IFI16: variants seen among roughly 807,000 people sequenced by gnomAD.
IFI16 encodes the protein gamma-interferon-inducible protein 16.
A neutral mutation model predicts 68.4 loss-of-function variants in IFI16; 49 were observed. The ratio of observed to expected loss-of-function variants is 0.72; its 90% CI spans 0.57 to 0.91. IFI16 has a LOEUF of 0.91. IFI16 is among the 40% of genes least tolerant of loss of function. The probability of loss-of-function intolerance (pLI) is 0.00; values close to 1 mark genes in which losing one functional copy is unlikely to be tolerated. For missense variants in IFI16, 878 were observed against 942.9 expected, an observed-to-expected ratio of 0.93 and a Z score of 0.90; for synonymous variants, 307 against 315.0, an observed-to-expected ratio of 0.97 and a Z score of 0.27.
At position 159,018,627 on chromosome 1, in the gene IFI16, A is replaced by G. The variant is rs756278477; in HGVS notation, c.948A>G (p.Val316=). 1.2e-5 allele frequency: 20 copies of G among 1,611,098 alleles called. No homozygotes were observed. The highest frequency in any genetic ancestry group is 1.4e-5 in the Non-Finnish European group (17 of 1,178,708). ...ILHKQASGNI[V]YGVFMLHKKT... is the part of the protein sequence containing the mutation. The stretch of plus-strand genomic sequence containing the variant: ...ACAAACAAGCTTCAGGAAATATTGT[A>G]TATGGGGTATTTATGCTACATAAGG... Residue 316 remains valine (V), a synonymous_variant, in exon 5 of 12, where the codon GTA becomes GTG. Transcript: ENST00000295809.
At chr1:159,053,422 GCTCTGTTTA>G in intron 10 of IFI16, 102 bp from the exon 11 acceptor site, 1 of 689,882 alleles carries the variant, frequency 1.4e-6, no homozygotes, top group African/African-American at 1.8e-5. Flanking sequence ...AGGACCTACA[GCTCTGTTTA>G]CTCTATCAAA....
chr1:159,018,392 A>G lies in IFI16; in HGVS notation c.713A>G (p.Gln238Arg). The G allele has an allele frequency of 6.2e-7, 1 of 1,614,184 alleles. No homozygotes were observed. The highest frequency in any genetic ancestry group is 2.2e-5 in the East Asian group (1 of 44,880). Residue 238 changes from glutamine (Q) to arginine (R), a missense_variant, in exon 5 of 12, where the codon CAG (glutamine) becomes CGG (arginine). Around this residue, in one of 4 missense-constraint regions of IFI16, gnomAD observed 443 missense variants for 421.8 expected, o/e 1.05. Transcript: ENST00000295809. Reference protein sequence around the residue: ...MFHATVATQTQFFHVKVLNTS... With the variant: ...MFHATVATQTRFFHVKVLNTS... ...CATGCTACAGTGGCTACACAGACAC[A>G]GTTCTTCCATGTGAAGGTTTTAAAC... is the stretch of plus-strand genomic sequence containing the variant.
chr1:159,021,327 C>T (rs1653301018), intron 6 of IFI16, among the ~76,000 whole-genome samples: 1 of 152,166 alleles, frequency 6.6e-6, no homozygotes, highest in Non-Finnish European at 1.5e-5. Flanking sequence ...TTACCTCCCA[C>T]TTATGAGTGA....
At chr1:159,041,471 A>G (rs1654635819) in intron 7 of IFI16, among the ~76,000 whole-genome samples, 1 of 152,190 alleles carries the variant, frequency 6.6e-6, no homozygotes, top group Non-Finnish European at 1.5e-5. Context: ...AGGTTGGTGT[A>G]CTAGAGCCTG....
At chr1:159,041,926 T>C (rs1654672150) in intron 7 of IFI16, among the ~76,000 whole-genome samples, 1 of 152,228 alleles carries the variant, frequency 6.6e-6, no homozygotes, top group Admixed American at 6.5e-5. Flanking sequence ...TCCTGGAAAA[T>C]TCTGATTTCT....
intron 7 of IFI16, 37 bp downstream of exon 7, chr1:159,032,728 A>G: frequency 6.7e-7 from 1 of 1,500,166 alleles, no homozygotes; most frequent in Non-Finnish European, 9.0e-7. Context: ...ATGTCTCCCC[A>G]CCATAATTTA....
intron 2 of IFI16, 128 bp downstream of exon 2, chr1:159,015,073 A>G (rs1247639707): frequency 4.6e-6 from 4 of 878,960 alleles, no homozygotes; most frequent in Non-Finnish European, 3.6e-6. Context: ...AGCTGAGACA[A>G]TGTTGGTACT....
In IFI16 at chr1:159,032,609, A is replaced by C. The variant is rs1654069743; in HGVS notation, c.1247A>C (p.Glu416Ala). 6.2e-7 allele frequency: 1 copy of C among 1,613,178 alleles called. No homozygotes were observed. Among genetic ancestry groups the C allele is most frequent in the African/African-American group, 1.3e-5 (1 of 74,982 alleles). Residue 416 changes from glutamate (E) to alanine (A), a missense_variant, in exon 7 of 12, where the codon GAG becomes GCG. Coordinates refer to ENST00000295809, the MANE Select transcript of IFI16 (RefSeq NM_001376587.1). ...CAGCGTCAGCTTCCATATCCTTCAGAGGCCAGCACAACCTTCCCTGAGAGC... is the reference window on the plus strand; with the variant it reads ...CAGCGTCAGCTTCCATATCCTTCAGCGGCCAGCACAACCTTCCCTGAGAGC... Reference protein sequence around the residue: ...QEQRQLPYPSEASTTFPESHL... With the variant: ...QEQRQLPYPSAASTTFPESHL...
In IFI16 at chr1:159,032,780, C is replaced by T. The variant is rs1654085221; in HGVS notation, c.1329+89C>T. 8.0e-6 allele frequency: 8 copies of T among 996,250 alleles called. No homozygotes were observed. The South Asian group carries it at 1.6e-4, about 20-fold the overall frequency. 61.7% of individuals were successfully genotyped at this position (996,250 alleles called of 1,614,324 possible). A position where few individuals can be genotyped will look rare whatever the true frequency, so the allele number is the denominator to read the frequency against. ...GTTGAAAGAGCTACTGCTGTAATCT[C>T]TGTGAATGGATTGGTACAATCTTGG... is the stretch of plus-strand genomic sequence containing the variant. On this transcript the variant is annotated intron_variant, in intron 7 of 11. Coordinates refer to ENST00000295809, the MANE Select transcript of IFI16 (RefSeq NM_001376587.1).
intron 6 of IFI16, among the ~76,000 whole-genome samples, chr1:159,024,279 A>G (rs1226153540): frequency 1.3e-5 from 2 of 152,166 alleles, no homozygotes; most frequent in African/African-American, 4.8e-5. Flanking sequence ...CTACTGAAGA[A>G]GGGGAAGATG....
At chr1:159,040,933 ATG>A (rs1301947964) in intron 7 of IFI16, among the ~76,000 whole-genome samples, 2 of 152,332 alleles carry the variant, frequency 1.3e-5, no homozygotes, top group Admixed American at 6.5e-5. Flanking sequence ...GTATATTTAC[ATG>A]TGTGTGTACA....
chr1:159,010,256 C>T (rs768164421), intron 1 of IFI16, 95 bp downstream of exon 1: 3 of 152,162 alleles, frequency 2.0e-5, no homozygotes, highest in Non-Finnish European at 4.4e-5. Flanking sequence ...TATTCAGGGT[C>T]ATGGGATGAT....
intron 6 of IFI16, among the ~76,000 whole-genome samples, chr1:159,020,846 CGT>C (rs56977166): frequency 0.28 from 42,319 of 148,786 alleles, 7,373 homozygotes; most frequent in African/African-American, 0.5. Flanking sequence ...TAGAAAACGT[CGT>C]GTGTGTGTGT....
intron 6 of IFI16, among the ~76,000 whole-genome samples, chr1:159,022,426 G>A (rs183053829): frequency 1.3e-5 from 2 of 152,258 alleles, no homozygotes; most frequent in African/African-American, 4.8e-5. Context: ...AAGAGTATAC[G>A]GAACAAAGGA....
chr1:159,004,086 T>C (rs1465952012), upstream of IFI16, among the ~76,000 whole-genome samples: 4 of 152,328 alleles, frequency 2.6e-5, no homozygotes, highest in Admixed American at 2.6e-4. Context: ...ACCCTTAATC[T>C]AAAACATAAA....
At chr1:159,023,131 G>A (rs1443108244) in intron 6 of IFI16, among the ~76,000 whole-genome samples, 1 of 151,792 alleles carries the variant, frequency 6.6e-6, no homozygotes, top group African/African-American at 2.4e-5. Flanking sequence ...TTTTTTATCC[G>A]CTGAACCAAT....
At chr1:159,008,823 T>G (rs2101786604), upstream of IFI16, among the ~76,000 whole-genome samples, 1 of 152,376 alleles carries the variant, frequency 6.6e-6, no homozygotes, top group South Asian at 2.1e-4. Context: ...AGAATTCAGC[T>G]ATTCACTTCA....
At chr1:159,038,446 C>T (rs1165815157) in intron 7 of IFI16, among the ~76,000 whole-genome samples, 1 of 152,098 alleles carries the variant, frequency 6.6e-6, no homozygotes, top group Non-Finnish European at 1.5e-5. Context: ...CTCACTGCAA[C>T]CTCAGACACC....
intron 7 of IFI16, among the ~76,000 whole-genome samples, chr1:159,038,852 C>T (rs1260157036): frequency 6.6e-6 from 1 of 152,140 alleles, no homozygotes; most frequent in Non-Finnish European, 1.5e-5. Context: ...TGCACACACA[C>T]CACAGGACCA....
Sources: allele counts gnomAD v4.1 joint callset (sites outside exome capture counted in the v4.1 genomes callset), GRCh38; gene constraint gnomAD v4.1.1; regional missense constraint gnomAD v4.1.1; transcripts MANE v1.5; gene names NCBI Gene and HGNC (gene_info 2026-07-23, HGNC 2026-07-21).